The following STK32C variants were observed in gnomAD, a reference collection of about 807,000 sequenced individuals.
STK32C encodes serine/threonine kinase 32C.
In STK32C, 31 loss-of-function variants were observed where a neutral mutation model predicts 56.5. The ratio of observed to expected loss-of-function variants is 0.55; its 90% CI spans 0.41 to 0.74. STK32C has a LOEUF of 0.74. Ranked by LOEUF, STK32C falls within the 30% of genes least tolerant of loss-of-function variation. The pLI, the probability that STK32C is intolerant of heterozygous loss-of-function variation, is 0.00. For synonymous variants in STK32C, 309 were observed against 289.4 expected, an observed-to-expected ratio of 1.07 and a Z score of -0.69; for missense variants, 544 against 676.9, an observed-to-expected ratio of 0.80 and a Z score of 2.18.
intron 1 of STK32C, among the ~76,000 whole-genome samples, chr10:132,282,445 G>GCACCCA (rs2065243010): frequency 6.7e-6 from 1 of 149,924 alleles, no homozygotes; most frequent in Non-Finnish European, 1.5e-5. Flanking sequence ...ACCTGTACCT[G>GCACCCA]CACCCACCTG....
At chr10:132,245,581 T>C (rs1348571311) in intron 2 of STK32C, among the ~76,000 whole-genome samples, 2 of 152,216 alleles carry the variant, frequency 1.3e-5, no homozygotes, top group East Asian at 3.9e-4. Flanking sequence ...TCCTGTCCCC[T>C]GTAGGTCCTG....
chr10:132,307,893 G>A lies in STK32C; in HGVS notation c.-60C>T. 4 of 1,133,172 alleles carry A rather than the reference G, an allele frequency of 3.5e-6. No individual in the cohort carries two copies. Among genetic ancestry groups the A allele is most frequent in the South Asian group, 3.9e-5 (2 of 51,180 alleles). 70.2% of individuals were successfully genotyped at this position (1,133,172 alleles called of 1,614,324 possible). A position where few individuals can be genotyped will look rare whatever the true frequency, so the allele number is the denominator to read the frequency against. ...GGGGCATGGCCGGCCGGCAGGGCCG[G>A]GAGCGGCAGTGGTAGCGGGAGCGCT... On this transcript the variant is annotated 5_prime_UTR_variant, in exon 1 of 12. Transcript: ENST00000298630. The surrounding 1 kb of genome is among the most constrained non-coding windows in gnomAD (Gnocchi z 4.4).
chr10:132,228,710 C>T (rs2062986149), intron 2 of STK32C, among the ~76,000 whole-genome samples: 1 of 152,218 alleles, frequency 6.6e-6, no homozygotes, highest in Admixed American at 6.5e-5. Context: ...AATGCGAAAA[C>T]CCACTGAGCA....
Position 132,296,254 on chromosome 10 carries a change from TCACAGCACGGAGTAG to T in STK32C, c.262+11303_262+11317del, listed in dbSNP as rs1191557216. 5.3e-4 allele frequency among the ~76,000 whole-genome samples: 81 copies of T among 151,680 alleles called. 4 individuals are homozygous for T. Reference sequence around the variant, plus strand: ...CATAAAAAGCAAGTTTGAGAAACGGTCACAGCACGGAGTAGACTAAGGCGCCAGGAGACTCATGTA... The same window carrying T: ...CATAAAAAGCAAGTTTGAGAAACGGTACTAAGGCGCCAGGAGACTCATGTA... On this transcript the variant is annotated intron_variant, in intron 1 of 11. Coordinates refer to ENST00000298630, the MANE Select transcript of STK32C (RefSeq NM_173575.4).
intron 1 of STK32C, among the ~76,000 whole-genome samples, chr10:132,268,587 G>T (rs2064689403): frequency 6.8e-6 from 1 of 146,296 alleles, no homozygotes; most frequent in African/African-American, 2.6e-5. Flanking sequence ...GCATGTGTAT[G>T]CAGGTTCAGC....
rs569758336 is a variant in STK32C, at chr10:132,278,267, C to T, written c.262+29305G>A. On this transcript the variant is annotated intron_variant, in intron 1 of 11. Coordinates refer to ENST00000298630, the MANE Select transcript of STK32C (RefSeq NM_173575.4). ...GCAAAGACCCACACATGCCATGCCC[C>T]GCACATGCCATGCCTCCGTGAGTTC... Among the ~76,000 whole-genome samples the T allele has an allele frequency of 3.8e-3, 571 of 152,168 alleles. 7 individuals are homozygous for T. The highest frequency in any genetic ancestry group is 0.013 in the African/African-American group (542 of 41,494).
intron 1 of STK32C, among the ~76,000 whole-genome samples, chr10:132,279,605 G>T (rs1564771282): frequency 6.6e-6 from 1 of 151,700 alleles, no homozygotes; most frequent in Non-Finnish European, 1.5e-5. Flanking sequence ...CCATGTTCAC[G>T]CCCCTGCACT....
At chr10:132,257,605 C>T (rs1294944162) in intron 1 of STK32C, among the ~76,000 whole-genome samples, 1 of 152,080 alleles carries the variant, frequency 6.6e-6, no homozygotes, top group Non-Finnish European at 1.5e-5. Flanking sequence ...CTGTCCACCC[C>T]ATCTGGTGCC....
intron 1 of STK32C, among the ~76,000 whole-genome samples, chr10:132,257,234 G>A (rs538073763): frequency 2.0e-5 from 3 of 152,250 alleles, no homozygotes; most frequent in African/African-American, 7.2e-5. Context: ...AGATGGGTAG[G>A]TGTGTGGGTG....
chr10:132,230,315 C>A (rs887346077), intron 2 of STK32C, among the ~76,000 whole-genome samples: 1 of 152,250 alleles, frequency 6.6e-6, no homozygotes, highest in Non-Finnish European at 1.5e-5. Context: ...CCACTGCCAA[C>A]GGGGCAGAGT....
At chr10:132,290,523 T>C (rs1401421069) in intron 1 of STK32C, among the ~76,000 whole-genome samples, 1 of 152,166 alleles carries the variant, frequency 6.6e-6, no homozygotes, top group Admixed American at 6.5e-5. Context: ...GAGAGTGACA[T>C]CTCCAAACTC....
chr10:132,207,976 C>T lies in STK32C; in HGVS notation c.*34G>A. On this transcript the variant is annotated 3_prime_UTR_variant, in exon 12 of 12. Transcript: ENST00000298630. The stretch of plus-strand genomic sequence containing the variant: ...CCCTCTGGCAGCCGAGTCTCCAAAG[C>T]AGCTCAAGGGGTGAGGACCACGGGC... 2.3e-6 allele frequency: 3 copies of T among 1,293,056 alleles called. No homozygotes were observed. The highest frequency in any genetic ancestry group is 2.0e-6 in the Non-Finnish European group (2 of 1,014,122). The allele number at this position is 1,293,056 out of a possible 1,614,324, so 80.1% of individuals were successfully genotyped here.
At chr10:132,276,144 C>CA (rs1385019281) in intron 1 of STK32C, among the ~76,000 whole-genome samples, 6 of 152,168 alleles carry the variant, frequency 3.9e-5, no homozygotes, top group Non-Finnish European at 8.8e-5. Flanking sequence ...TTTCGGTCAG[C>CA]AATTTTCGAG....
At chr10:132,223,767 T>A (rs2062771472) in intron 8 of STK32C, among the ~76,000 whole-genome samples, 1 of 152,074 alleles carries the variant, frequency 6.6e-6, no homozygotes, top group African/African-American at 2.4e-5. Flanking sequence ...GCACACTCAC[T>A]CCCCTCCCTG....
At chr10:132,330,980 A>G (rs7082379) in intron 1 of STK32C, among the ~76,000 whole-genome samples, 54,527 of 150,396 alleles carry the variant, frequency 0.36, 10,065 homozygotes, top group Non-Finnish European at 0.4. Flanking sequence ...AGGGGGGCGG[A>G]TCATGAGGTC....
chr10:132,300,870 G>T (rs1046946077), intron 1 of STK32C, among the ~76,000 whole-genome samples: 1 of 152,224 alleles, frequency 6.6e-6, no homozygotes, highest in African/African-American at 2.4e-5. Flanking sequence ...GTCAGCAGCA[G>T]CAGGAGAAAT....
chr10:132,280,059 G>A (rs1273724812), intron 1 of STK32C, among the ~76,000 whole-genome samples: 3 of 132,156 alleles, frequency 2.3e-5, no homozygotes, highest in Non-Finnish European at 4.7e-5. Flanking sequence ...TCACACCACT[G>A]CACTCCATGA....
chr10:132,293,343 G>A (rs1004116975), intron 1 of STK32C, among the ~76,000 whole-genome samples: 2 of 152,248 alleles, frequency 1.3e-5, no homozygotes, highest in African/African-American at 4.8e-5. Context: ...GCCACTCTCA[G>A]GCCAGGGAAG....
At chr10:132,327,817 A>C (rs1200201677) in intron 1 of STK32C, among the ~76,000 whole-genome samples, 1 of 152,134 alleles carries the variant, frequency 6.6e-6, no homozygotes, top group Non-Finnish European at 1.5e-5. Flanking sequence ...AAAAACCACC[A>C]ACACTTCATA....
Sources: gnomAD v4.1 joint callset for allele counts (sites outside exome capture counted in the v4.1 genomes callset) on GRCh38, gnomAD v4.1.1 for gene constraint, Gnocchi (gnomAD v3.1) non-coding constraint, MANE v1.5 for transcripts, NCBI Gene and HGNC (gene_info 2026-07-23, HGNC 2026-07-21) for gene names.